ZFP69B: variants seen among roughly 807,000 people sequenced by gnomAD.
ZFP69B encodes the protein zinc finger protein 69 homolog B.
ZFP69B carries 20 observed loss-of-function variants against 19.7 expected under a neutral mutation model. The ratio of observed to expected loss-of-function variants is 1.02; its 90% CI spans 0.71 to 1.48. The LOEUF (loss-of-function observed/expected upper bound fraction) is 1.48, where lower values mean the gene tolerates loss of function less well. Among genes scored for constraint, ZFP69B ranks in the 40% most tolerant of loss-of-function variants. ZFP69B has a pLI of 0.00. For missense variants in ZFP69B, 583 were observed against 632.6 expected, an observed-to-expected ratio of 0.92 and a Z score of 0.84; for synonymous variants, 220 against 222.7, an observed-to-expected ratio of 0.99 and a Z score of 0.11.
chr1:40,460,746 G>A (rs1012435678), intron 4 of ZFP69B, among the ~76,000 whole-genome samples: 1 of 152,072 alleles, frequency 6.6e-6, no homozygotes, highest in African/African-American at 2.4e-5. Context: ...ACTTTGGGAG[G>A]CCGAGGCGGG....
At position 40,461,031 on chromosome 1, in the gene ZFP69B, C is replaced by T. The variant is rs1260716078; in HGVS notation, c.437-1390C>T. Among the ~76,000 whole-genome samples the T allele has an allele frequency of 5.5e-5, 8 of 146,278 alleles. No homozygotes were observed. The South Asian group carries it at 6.5e-4, about 12-fold the overall frequency. Reference sequence around the variant, plus strand: ...TGTGGTGGCGCATACCTGTAATCCTCGCTACTCAGGAGGCTGAGGCAGGAG... The same window carrying T: ...TGTGGTGGCGCATACCTGTAATCCTTGCTACTCAGGAGGCTGAGGCAGGAG... On this transcript the variant is annotated intron_variant, in intron 4 of 4. Transcript: ENST00000361584.
At chr1:40,461,833 A>G (rs780503816) in intron 4 of ZFP69B, among the ~76,000 whole-genome samples, 12 of 152,024 alleles carry the variant, frequency 7.9e-5, no homozygotes, top group Admixed American at 1.3e-4. Context: ...ATCTTCTGAT[A>G]TTTGCTCTTA....
intron 4 of ZFP69B, 92 bp downstream of exon 4, chr1:40,457,531 G>C: frequency 1.0e-6 from 1 of 995,030 alleles, no homozygotes; most frequent in Non-Finnish European, 1.5e-6. Flanking sequence ...GAGGCCATGT[G>C]GATGGTACAT....
At chr1:40,458,235 G>T (rs1443678170) in intron 4 of ZFP69B, among the ~76,000 whole-genome samples, 1 of 152,144 alleles carries the variant, frequency 6.6e-6, no homozygotes, top group African/African-American at 2.4e-5. Context: ...TATTTTACAC[G>T]ACTGCATTAG....
intron 4 of ZFP69B, among the ~76,000 whole-genome samples, chr1:40,460,122 A>G (rs987378161): frequency 2.6e-5 from 4 of 152,236 alleles, no homozygotes; most frequent in African/African-American, 9.6e-5. Context: ...ATGCAGGGAA[A>G]GGCACCCATA....
intron 2 of ZFP69B, 74 bp downstream of exon 2, chr1:40,454,362 T>C: frequency 9.2e-7 from 1 of 1,086,236 alleles, no homozygotes; most frequent in Non-Finnish European, 1.3e-6. Flanking sequence ...TGATTTTCTT[T>C]GACTCAACTT....
intron 4 of ZFP69B, among the ~76,000 whole-genome samples, chr1:40,460,613 G>A (rs910491516): frequency 9.8e-5 from 15 of 152,330 alleles, no homozygotes; most frequent in African/African-American, 3.6e-4. Flanking sequence ...TGGAGGCCGA[G>A]GCGGGCAGAT....
At chr1:40,451,804 C>T (rs978478888) in intron 1 of ZFP69B, among the ~76,000 whole-genome samples, 6 of 152,024 alleles carry the variant, frequency 3.9e-5, no homozygotes, top group East Asian at 1.9e-4. Context: ...ACAGAAAATG[C>T]GTGCCAATAA....
At chr1:40,461,794 C>T (rs1209023412) in intron 4 of ZFP69B, among the ~76,000 whole-genome samples, 1 of 151,030 alleles carries the variant, frequency 6.6e-6, no homozygotes, top group African/African-American at 2.4e-5. Flanking sequence ...GAGACCCTGT[C>T]AAAAAAAAAT....
At chr1:40,456,380 C>T (rs553827261) in intron 2 of ZFP69B, among the ~76,000 whole-genome samples, 8 of 152,174 alleles carry the variant, frequency 5.3e-5, no homozygotes, top group African/African-American at 7.2e-5. Context: ...AATTGTCAAA[C>T]GGTTATTTTT....
In ZFP69B at chr1:40,454,234, G is replaced by C. The variant is rs1434828706; in HGVS notation, c.159G>C (p.Gln53His). The C allele has an allele frequency of 1.2e-6, 2 of 1,605,740 alleles. No homozygotes were observed. Among genetic ancestry groups the C allele is most frequent in the Non-Finnish European group, 8.5e-7 (1 of 1,175,296 alleles). The change falls in exon 2 of 5, where the codon CAG becomes CAC. Residue 53 changes from glutamine to histidine, a missense_variant. Physicochemically the swap from Gln to His is conservative, Grantham distance 24 (BLOSUM62 0). Transcript: ENST00000361584. ...TGTCTCAGGATGCTGATGAGACCCA[G>C]GGCGAAAGTTTAGAGAGTAGAGTGA... The part of the protein sequence containing the change: ...ALLSQDADET[Q>H]GESLESRVTL...
chr1:40,463,467 A>G lies in ZFP69B; in HGVS notation c.1483A>G (p.Arg495Gly). Residue 495 changes from arginine (R) to glycine (G), a missense_variant, in exon 5 of 5, where the codon AGA becomes GGA. By Grantham distance (125) the Arg-to-Gly change is moderately radical (BLOSUM62 -2). Transcript: ENST00000361584. Reference sequence around the variant, plus strand: ...TGATTCATCCTTTGCTAAACATCAGAGAATTCATACTGGAGAAAAACCTTA... The same window carrying G: ...TGATTCATCCTTTGCTAAACATCAGGGAATTCATACTGGAGAAAAACCTTA... ...RHDSSFAKHQ[R>G]IHTGEKPYDC... 1.9e-6 allele frequency: 3 copies of G among 1,614,188 alleles called. No individual in the cohort carries two copies. The highest frequency in any genetic ancestry group is 2.5e-6 in the Non-Finnish European group (3 of 1,180,016).
chr1:40,456,821 G>T, intron 2 of ZFP69B, 124 bp from the exon 3 acceptor site: 1 of 1,280,882 alleles, frequency 7.8e-7, no homozygotes, highest in Non-Finnish European at 1.1e-6. Flanking sequence ...ATAATCATTA[G>T]AATAAATTAA....
At chr1:40,451,165 A>G in intron 1 of ZFP69B, 77 bp downstream of exon 1, 1 of 1,415,056 alleles carries the variant, frequency 7.1e-7, no homozygotes, top group South Asian at 1.5e-5. Context: ...ACTTGAGTGG[A>G]AGCATCTCTT....
At position 40,462,676 on chromosome 1, in the gene ZFP69B, G is replaced by T. The variant is rs562615056; in HGVS notation, c.692G>T (p.Arg231Ile). 1.1e-5 allele frequency: 18 copies of T among 1,614,060 alleles called. No individual in the cohort carries two copies. Among genetic ancestry groups the T allele is most frequent in the Middle Eastern group, 3.3e-4 (2 of 6,062 alleles). ...RGQESNRFEKRINVKSEVMPG... is the reference protein window; with the variant it reads ...RGQESNRFEKIINVKSEVMPG... ...CAAGAGTCTAATAGATTTGAGAAAA[G>T]AATTAATGTGAAGTCAGAAGTTATG... Residue 231 changes from arginine to isoleucine, a missense_variant, in exon 5 of 5, where the codon AGA becomes ATA. By Grantham distance (97) the Arg-to-Ile change is moderately conservative. Coordinates refer to ENST00000361584, the MANE Select transcript of ZFP69B (RefSeq NM_023070.3).
chr1:40,463,163 C>T lies in ZFP69B; in HGVS notation c.1179C>T (p.Cys393=). 1.2e-6 allele frequency: 2 copies of T among 1,614,110 alleles called. No homozygotes were observed. Among genetic ancestry groups the T allele is most frequent in the Non-Finnish European group, 1.7e-6 (2 of 1,180,016 alleles). Residue 393 remains cysteine (C), a synonymous_variant, in exon 5 of 5, where the codon TGC becomes TGT. Transcript: ENST00000361584. ...RTHVREKPFT[C]KDCGKAFFQI... is the part of the protein sequence containing the mutation. ...ATGTTAGAGAGAAACCTTTTACATG[C>T]AAAGACTGTGGAAAAGCGTTTTTCC... is the stretch of plus-strand genomic sequence containing the variant.
rs1260296971 is a variant in ZFP69B at position 40,463,496 on chromosome 1, T to C, written c.1512T>C (p.Asp504=). ...QRIHTGEKPY[D]CNECGKAFSC... is the part of the protein sequence containing the mutation. ...TTCATACTGGAGAAAAACCTTATGATTGTAATGAGTGTGGAAAAGCCTTCA... is the reference window on the plus strand; with the variant it reads ...TTCATACTGGAGAAAAACCTTATGACTGTAATGAGTGTGGAAAAGCCTTCA... The change falls in exon 5 of 5, where the codon GAT becomes GAC. Residue 504 remains aspartate, a synonymous_variant. Transcript: ENST00000361584. 1.2e-6 allele frequency: 2 copies of C among 1,614,098 alleles called. No homozygotes were observed. Among genetic ancestry groups the C allele is most frequent in the Non-Finnish European group, 8.5e-7 (1 of 1,179,986 alleles).
chr1:40,462,587 C>T lies in ZFP69B; in HGVS notation c.603C>T (p.Asn201=), dbSNP rs1420432407. 6.2e-7 allele frequency: 1 copy of T among 1,614,000 alleles called. No individual in the cohort carries two copies. Among genetic ancestry groups the T allele is most frequent in the Non-Finnish European group, 8.5e-7 (1 of 1,179,990 alleles). ...ATAAGCTAGAAAGCCAACAAGAGAA[C>T]CAAAGAATGGGTAAGGGGCAAATCC... ...KCNKLESQQE[N]QRMGKGQIPL... is the part of the protein sequence containing the mutation. The change falls in exon 5 of 5, where the codon AAC becomes AAT. Residue 201 remains asparagine, a synonymous_variant. Transcript: ENST00000361584.
In ZFP69B at chr1:40,457,264, G is replaced by A. The variant is rs547570493; in HGVS notation, c.341-80G>A. 31 of 1,530,302 alleles carry A rather than the reference G, an allele frequency of 2.0e-5. No individual in the cohort carries two copies. The South Asian group carries it at 2.1e-4, about 10-fold the overall frequency. The allele number at this position is 1,530,302 out of a possible 1,614,324, so 94.8% of individuals were successfully genotyped here. On this transcript the variant is annotated intron_variant, in intron 3 of 4. Coordinates refer to ENST00000361584, the MANE Select transcript of ZFP69B (RefSeq NM_023070.3). ...CTACTCTGCTTTCTTTAGAAGGCCCGAATACCAAAGAACCATATTTAAATT... is the reference window on the plus strand; with the variant it reads ...CTACTCTGCTTTCTTTAGAAGGCCCAAATACCAAAGAACCATATTTAAATT...
Sources: gnomAD v4.1 joint callset for allele counts (sites outside exome capture counted in the v4.1 genomes callset) on GRCh38, gnomAD v4.1.1 for gene constraint, MANE v1.5 for transcripts, NCBI Gene and HGNC (gene_info 2026-07-23, HGNC 2026-07-21) for gene names.